The following RAP1A variants were observed in gnomAD, a reference collection of about 807,000 sequenced individuals.
RAP1A encodes RAP1A, member of RAS oncogene family, also known as ras-related protein Rap-1A.
A neutral mutation model predicts 26.4 loss-of-function variants in RAP1A; 6 were observed. The ratio of observed to expected loss-of-function variants is 0.23; its 90% CI spans 0.12 to 0.45. The LOEUF (loss-of-function observed/expected upper bound fraction) is 0.45. Among genes scored for constraint, RAP1A ranks in the 20% least tolerant of loss-of-function variants. The pLI, the probability that RAP1A is intolerant of heterozygous loss-of-function variation, is 0.99. For missense variants in RAP1A, 121 were observed against 217.2 expected (o/e 0.56, Z 2.78); for synonymous variants, 73 against 79.4 (o/e 0.92, Z 0.43).
upstream of RAP1A, among the ~76,000 whole-genome samples, chr1:111,616,672 A>AC (rs1659020188): frequency 6.6e-6 from 1 of 151,888 alleles, no homozygotes; most frequent in African/African-American, 2.4e-5. Context: ...TAATACTCCT[A>AC]CCCCTCTCAT....
At chr1:111,646,073 A>G (rs1660055681) in intron 1 of RAP1A, among the ~76,000 whole-genome samples, 1 of 152,234 alleles carries the variant, frequency 6.6e-6, no homozygotes, top group Admixed American at 6.5e-5. Flanking sequence ...AGCATTTTTA[A>G]TGAGTCATAT....
rs5777065 is a variant in RAP1A at position 111,558,352 on chromosome 1, A to AT, written c.-28+15856dup. 4.0e-3 allele frequency among the ~76,000 whole-genome samples: 580 copies of AT among 145,056 alleles called. 3 individuals are homozygous for AT. Among genetic ancestry groups the AT allele is most frequent in the African/African-American group, 0.011 (431 of 39,514 alleles). On this transcript the variant is annotated intron_variant, in intron 1 of 7. Coordinates refer to the RAP1A transcript ENST00000356415. ...GCCACCACTCCCAGCTAATTTTTCT[A>AT]TTTTTTTTTTTTTGTCTTAAGACAG...
At chr1:111,618,926 C>T (rs1310821662), upstream of RAP1A, among the ~76,000 whole-genome samples, 2 of 152,228 alleles carry the variant, frequency 1.3e-5, no homozygotes, top group African/African-American at 4.8e-5. Flanking sequence ...ATCTGTGCTT[C>T]TCCATTGTGT....
intron 1 of RAP1A, among the ~76,000 whole-genome samples, chr1:111,613,933 T>C (rs1410712633): frequency 2.0e-5 from 3 of 152,198 alleles, no homozygotes. Flanking sequence ...ATATTCTCTC[T>C]CTCTACGAAA....
chr1:111,562,670 A>G (rs1657786964), intron 1 of RAP1A, among the ~76,000 whole-genome samples: 1 of 152,198 alleles, frequency 6.6e-6, no homozygotes, highest in African/African-American at 2.4e-5. Flanking sequence ...CATGTTTCAA[A>G]TGAAAGTAAT....
chr1:111,558,921 A>G (rs995255386), intron 1 of RAP1A, among the ~76,000 whole-genome samples: 4 of 152,200 alleles, frequency 2.6e-5, no homozygotes, highest in Non-Finnish European at 2.9e-5. Context: ...AAACGTAGTA[A>G]CAAGTGAAAA....
At chr1:111,670,468 C>A (rs1187482316) in intron 1 of RAP1A, among the ~76,000 whole-genome samples, 1 of 152,120 alleles carries the variant, frequency 6.6e-6, no homozygotes, top group East Asian at 1.9e-4. Context: ...AGTTGAGACT[C>A]TGTCTCAAAC....
At chr1:111,708,455 A>T (rs779070998) in intron 6 of RAP1A, among the ~76,000 whole-genome samples, 6 of 152,258 alleles carry the variant, frequency 3.9e-5, no homozygotes, top group Non-Finnish European at 8.8e-5. Flanking sequence ...CAATGTCCTG[A>T]AAGGCAAAGG....
At chr1:111,660,988 C>T (rs1171996122) in intron 1 of RAP1A, among the ~76,000 whole-genome samples, 4 of 152,222 alleles carry the variant, frequency 2.6e-5, no homozygotes, top group Admixed American at 6.5e-5. Flanking sequence ...ATATGGACTA[C>T]GATCTCCCCA....
intron 1 of RAP1A, among the ~76,000 whole-genome samples, chr1:111,549,121 A>T (rs1433452507): frequency 6.6e-6 from 1 of 152,032 alleles, no homozygotes; most frequent in Non-Finnish European, 1.5e-5. Context: ...TTCACAATGG[A>T]TATTGGTCTG....
intron 1 of RAP1A, among the ~76,000 whole-genome samples, chr1:111,675,485 A>G (rs949026927): frequency 8.6e-6 from 1 of 116,424 alleles, no homozygotes; most frequent in Admixed American, 8.7e-5. Flanking sequence ...AAAACAAAAC[A>G]AAAAAAACAG....
intron 1 of RAP1A, among the ~76,000 whole-genome samples, chr1:111,651,740 G>A (rs1302242225): frequency 1.3e-5 from 2 of 152,000 alleles, no homozygotes; most frequent in African/African-American, 4.8e-5. Context: ...GCCTCCCAAA[G>A]TGCTGGGATT....
At chr1:111,549,293 G>A (rs369763107) in intron 1 of RAP1A, among the ~76,000 whole-genome samples, 131 of 149,618 alleles carry the variant, frequency 8.8e-4, no homozygotes, top group African/African-American at 3.1e-3. Context: ...TATCAGTGAA[G>A]CCATCCAGTC....
intron 4 of RAP1A, among the ~76,000 whole-genome samples, chr1:111,698,119 T>C (rs540491135): frequency 6.6e-6 from 1 of 152,326 alleles, no homozygotes; most frequent in South Asian, 2.1e-4. Context: ...ATTAATACCA[T>C]CACCTTTATA....
At chr1:111,574,477 C>T (rs540344802) in intron 1 of RAP1A, among the ~76,000 whole-genome samples, 2 of 152,268 alleles carry the variant, frequency 1.3e-5, no homozygotes, top group Middle Eastern at 3.4e-3. Flanking sequence ...AAATAGTTTT[C>T]TCTAGTTCTG....
rs185287065 is a variant in RAP1A, at chr1:111,590,538, T to G, written c.-28+48029T>G. ...CTGCATCCATTAAAATAATTTGAAT[T>G]TTTTCTCCTTTAATGTATAAATGTA... On this transcript the variant is annotated intron_variant, in intron 1 of 7. Transcript: ENST00000356415. 2.6e-5 allele frequency among the ~76,000 whole-genome samples: 4 copies of G among 152,274 alleles called. No homozygotes were observed. In the East Asian group the frequency reaches 7.7e-4, roughly 29 times the overall value.
chr1:111,575,895 C>A (rs953797230), intron 1 of RAP1A, among the ~76,000 whole-genome samples: 1 of 152,168 alleles, frequency 6.6e-6, no homozygotes, highest in Non-Finnish European at 1.5e-5. Context: ...CATGAATGCT[C>A]AGTAAATATT....
chr1:111,586,471 T>G (rs1658366170), intron 1 of RAP1A, among the ~76,000 whole-genome samples: 1 of 152,174 alleles, frequency 6.6e-6, no homozygotes, highest in Admixed American at 6.5e-5. Context: ...TAATCCCAGC[T>G]ACTCAGGAGG....
At position 111,713,333 on chromosome 1, in the gene RAP1A, A is replaced by T. The variant is rs1471534028; in HGVS notation, c.*932A>T. The T allele has an allele frequency of 6.6e-6, 1 of 152,184 alleles. No individual in the cohort carries two copies. The highest frequency in any genetic ancestry group is 1.5e-5 in the Non-Finnish European group (1 of 67,996). 9.4% of individuals were successfully genotyped at this position (152,184 alleles called of 1,614,324 possible). On this transcript the variant is annotated 3_prime_UTR_variant, in exon 8 of 8. Coordinates refer to ENST00000369709, the MANE Select transcript of RAP1A (RefSeq NM_002884.4). ...TATACAGTAAAATACATCAGACAAC[A>T]TAGAATAGTTTTGTATATTCTCTCT...
Sources: allele counts gnomAD v4.1 joint callset (sites outside exome capture counted in the v4.1 genomes callset), GRCh38; gene constraint gnomAD v4.1.1; transcripts MANE v1.5; gene names NCBI Gene and HGNC (gene_info 2026-07-23, HGNC 2026-07-21).